Variants in LSAMP observed in about 807,000 individuals in gnomAD.
LSAMP encodes limbic system associated membrane protein.
A neutral mutation model predicts 38.6 loss-of-function variants in LSAMP; 7 were observed. The ratio of observed to expected loss-of-function variants is 0.18; its 90% CI spans 0.10 to 0.34. The LOEUF (loss-of-function observed/expected upper bound fraction) is 0.34, where lower values mean the gene tolerates loss of function less well. Among genes scored for constraint, LSAMP ranks in the 10% least tolerant of loss-of-function variants. The pLI, the probability that LSAMP is intolerant of heterozygous loss-of-function variation, is 1.00. For missense variants in LSAMP, 313 were observed against 420.0 expected (o/e 0.75, Z 2.23); for synonymous variants, 154 against 166.8 (o/e 0.92, Z 0.59).
chr3:115,932,276 G>C (rs143153889), intron 3 of LSAMP, among the ~76,000 whole-genome samples: 1 of 152,248 alleles, frequency 6.6e-6, no homozygotes, highest in African/African-American at 2.4e-5. Context: ...TGGGAGAAAG[G>C]AAATTTGGAC....
At chr3:115,887,044 G>A (rs1280547299) in intron 3 of LSAMP, among the ~76,000 whole-genome samples, 1 of 151,858 alleles carries the variant, frequency 6.6e-6, no homozygotes, top group Non-Finnish European at 1.5e-5. Context: ...AACATACAAG[G>A]CATTTTATAT....
chr3:116,328,790 A>AATGGAT (rs2047810644), intron 1 of LSAMP, among the ~76,000 whole-genome samples: 1 of 152,182 alleles, frequency 6.6e-6, no homozygotes, highest in Non-Finnish European at 1.5e-5. Flanking sequence ...CATTCATCAA[A>AATGGAT]ATGGATAATT....
intron 3 of LSAMP, among the ~76,000 whole-genome samples, chr3:115,896,225 T>C (rs960339944): frequency 1.1e-4 from 16 of 152,122 alleles, no homozygotes; most frequent in Non-Finnish European, 1.9e-4. Flanking sequence ...ATAAATCCAG[T>C]TCTTAGGATT....
At chr3:116,435,682 C>A (rs2049340259) in intron 1 of LSAMP, among the ~76,000 whole-genome samples, 1 of 152,120 alleles carries the variant, frequency 6.6e-6, no homozygotes, top group East Asian at 1.9e-4. Flanking sequence ...TCATTGTTAG[C>A]CCAAGGTAAA....
intron 1 of LSAMP, among the ~76,000 whole-genome samples, chr3:116,300,352 G>A (rs1321270709): frequency 6.6e-6 from 1 of 152,178 alleles, no homozygotes; most frequent in Non-Finnish European, 1.5e-5. Context: ...CAGAACACGA[G>A]AAACCACACA....
At chr3:116,350,790 T>C (rs1396944488) in intron 1 of LSAMP, among the ~76,000 whole-genome samples, 2 of 151,992 alleles carry the variant, frequency 1.3e-5, no homozygotes, top group African/African-American at 2.4e-5. Context: ...CTAAGGTCTA[T>C]GGTAAGAAAA....
chr3:116,380,413 T>A (rs2107800784), intron 1 of LSAMP, among the ~76,000 whole-genome samples: 1 of 152,102 alleles, frequency 6.6e-6, no homozygotes, highest in African/African-American at 2.4e-5. Context: ...GTCCTATATT[T>A]CCTTTATCTG....
Position 116,320,963 on chromosome 3 carries a change from A to T in LSAMP, c.155+123914T>A, listed in dbSNP as rs144833974. 5.5e-4 allele frequency among the ~76,000 whole-genome samples: 84 copies of T among 152,220 alleles called. 1 individual carries two copies. In the East Asian group the frequency reaches 0.015, roughly 26 times the overall value. On this transcript the variant is annotated intron_variant, in intron 1 of 6. Coordinates refer to ENST00000490035, the MANE Select transcript of LSAMP (RefSeq NM_002338.5). The stretch of plus-strand genomic sequence containing the variant: ...CTTTGATGCAAAAGCTTCCTCCCCA[A>T]ACATGTCCCTTACCCCTTTCAGTGG...
At chr3:116,177,195 T>C (rs1040119389) in intron 1 of LSAMP, among the ~76,000 whole-genome samples, 1 of 152,134 alleles carries the variant, frequency 6.6e-6, no homozygotes, top group East Asian at 1.9e-4. Context: ...GCTTGTGTGC[T>C]TCTGTTAGGG....
chr3:116,176,958 T>G (rs1038232005), intron 1 of LSAMP, among the ~76,000 whole-genome samples: 1 of 150,110 alleles, frequency 6.7e-6, no homozygotes, highest in East Asian at 2.0e-4. Flanking sequence ...ACTTTTTTTT[T>G]GTTAAGGTTT....
intron 1 of LSAMP, among the ~76,000 whole-genome samples, chr3:116,238,306 A>C (rs2046490986): frequency 6.6e-6 from 1 of 152,206 alleles, no homozygotes; most frequent in South Asian, 2.1e-4. Flanking sequence ...AAGCTGTTTT[A>C]GTCATTTCAT....
intron 3 of LSAMP, among the ~76,000 whole-genome samples, chr3:115,937,393 C>T (rs1937739775): frequency 6.6e-6 from 1 of 152,032 alleles, no homozygotes; most frequent in Non-Finnish European, 1.5e-5. Flanking sequence ...GTAATCTCAG[C>T]ATGTTGGGAT....
intron 1 of LSAMP, among the ~76,000 whole-genome samples, chr3:116,308,691 C>A (rs539776258): frequency 6.6e-6 from 1 of 151,982 alleles, no homozygotes; most frequent in Non-Finnish European, 1.5e-5. Context: ...AGTGGAATAA[C>A]AGAATAAAAC....
intron 1 of LSAMP, among the ~76,000 whole-genome samples, chr3:116,175,835 C>T (rs1174817298): frequency 6.6e-6 from 1 of 152,032 alleles, no homozygotes; most frequent in Non-Finnish European, 1.5e-5. Context: ...CTGGTACTTT[C>T]AGTACAATGC....
At chr3:116,417,588 G>A (rs1039172952) in intron 1 of LSAMP, among the ~76,000 whole-genome samples, 1 of 152,164 alleles carries the variant, frequency 6.6e-6, no homozygotes, top group African/African-American at 2.4e-5. Context: ...GAATCGACCT[G>A]CTGGAGAAAA....
At chr3:116,245,634 A>C (rs2046595773) in intron 1 of LSAMP, among the ~76,000 whole-genome samples, 2 of 152,106 alleles carry the variant, frequency 1.3e-5, no homozygotes, top group Non-Finnish European at 2.9e-5. Flanking sequence ...CCTCTGCATA[A>C]TTTTTCTTTC....
intron 1 of LSAMP, among the ~76,000 whole-genome samples, chr3:116,317,052 T>C (rs1424128894): frequency 1.3e-5 from 2 of 151,980 alleles, no homozygotes; most frequent in African/African-American, 2.4e-5. Context: ...AATGGACCCA[T>C]CAGCACTCTG....
chr3:116,366,016 A>T lies in LSAMP; in HGVS notation c.155+78861T>A, dbSNP rs1231176478. Reference sequence around the variant, plus strand: ...TACCCTAAAACTTAGAGTATAATAAAAAAAAAAAAAAAAAAAAAAAAAAGA... The same window carrying T: ...TACCCTAAAACTTAGAGTATAATAATAAAAAAAAAAAAAAAAAAAAAAAGA... On this transcript the variant is annotated intron_variant, in intron 1 of 6. Coordinates refer to ENST00000490035, the MANE Select transcript of LSAMP (RefSeq NM_002338.5). 4.6e-3 allele frequency among the ~76,000 whole-genome samples: 612 copies of T among 132,068 alleles called. 9 individuals carry two copies. The highest frequency in any genetic ancestry group is 0.017 in the African/African-American group (551 of 32,498). 86.6% of individuals were successfully genotyped at this position (132,068 alleles called of 152,430 possible).
At chr3:116,072,752 G>GT (rs36091421) in intron 2 of LSAMP, among the ~76,000 whole-genome samples, 9,607 of 112,230 alleles carry the variant, frequency 0.086, 632 homozygotes, top group African/African-American at 0.15. Context: ...GTTGTTTGTG[G>GT]TTTTTTTTTT....
Sources: allele counts gnomAD v4.1 joint callset (sites outside exome capture counted in the v4.1 genomes callset), GRCh38; gene constraint gnomAD v4.1.1; transcripts MANE v1.5; gene names NCBI Gene and HGNC (gene_info 2026-07-23, HGNC 2026-07-21).